The following LRRC71 variants were observed in gnomAD, a reference collection of about 807,000 sequenced individuals.
LRRC71 encodes leucine rich repeat containing 71, also known as leucine-rich repeat-containing protein 71.
A neutral mutation model predicts 66.6 loss-of-function variants in LRRC71; 54 were observed. The observed-to-expected ratio is 0.81, with a 90% CI of 0.65 to 1.02. The LOEUF (loss-of-function observed/expected upper bound fraction) is 1.02, where lower values mean the gene tolerates loss of function less well. LRRC71 is among the 50% of genes least tolerant of loss of function. The probability of loss-of-function intolerance (pLI) is 0.00; values close to 1 mark genes in which losing one functional copy is unlikely to be tolerated. For missense variants in LRRC71, 724 were observed against 718.0 expected, an observed-to-expected ratio of 1.01 and a Z score of -0.10; for synonymous variants, 323 against 303.9, an observed-to-expected ratio of 1.06 and a Z score of -0.65.
In LRRC71 at chr1:156,927,928, T is replaced by G. The variant is rs1278371052; in HGVS notation, c.920T>G (p.Phe307Cys). The G allele has an allele frequency of 6.2e-7, 1 of 1,612,008 alleles. No individual in the cohort carries two copies. Among genetic ancestry groups the G allele is most frequent in the Admixed American group, 1.7e-5 (1 of 59,808 alleles). The part of the protein sequence containing the change: ...ALKLAEVLRA[F>C]ELTHTEVVER... Reference sequence around the variant, plus strand: ...CGCCTCCTTCAGGTCCTGCGCGCCTTCGAGCTGACACACACCGAAGTGGTG... The same window carrying G: ...CGCCTCCTTCAGGTCCTGCGCGCCTGCGAGCTGACACACACCGAAGTGGTG... Residue 307 changes from phenylalanine to cysteine, a missense_variant, in exon 9 of 15, where the codon TTC becomes TGC. By Grantham distance (205) the Phe-to-Cys change is radical (BLOSUM62 -2). Transcript: ENST00000337428.
chr1:156,921,756 C>CAA (rs1191227256), intron 1 of LRRC71: 2 of 484,150 alleles, frequency 4.1e-6, no homozygotes, highest in Non-Finnish European at 5.3e-6. Context: ...CACACACACA[C>CAA]ACACACAGAC....
chr1:156,932,451 A>G lies in LRRC71; in HGVS notation c.1469A>G (p.Glu490Gly). 1 of 1,613,662 alleles carries G rather than the reference A, an allele frequency of 6.2e-7. No homozygotes were observed. The highest frequency in any genetic ancestry group is 8.5e-7 in the Non-Finnish European group (1 of 1,179,850). Residue 490 changes from glutamate (E) to glycine (G), a missense_variant, in exon 14 of 15, where the codon GAG becomes GGG. Transcript: ENST00000337428. ...AACCGCATCACAGAGGTGGGGCTGG[A>G]GGGCTTCCTCGCCACGGTGCAGTAT... is the stretch of plus-strand genomic sequence containing the variant. Reference protein sequence around the residue: ...IRNRITEVGLEGFLATVQYQM... With the variant: ...IRNRITEVGLGGFLATVQYQM...
the LRRC71 span, chr1:156,940,253 T>C: frequency 6.2e-7 from 1 of 1,609,496 alleles, no homozygotes; most frequent in Non-Finnish European, 8.5e-7. Flanking sequence ...ACAGAGGGCC[T>C]GGGAAGGCCA....
chr1:156,920,657 C>T lies in LRRC71; in HGVS notation c.-147C>T. 1.9e-6 allele frequency: 2 copies of T among 1,042,744 alleles called. No homozygotes were observed. The highest frequency in any genetic ancestry group is 3.3e-5 in the African/African-American group (2 of 60,114). The allele number at this position is 1,042,744 out of a possible 1,614,324, so 64.6% of individuals were successfully genotyped here. On this transcript the variant is annotated 5_prime_UTR_variant, in exon 1 of 15. Transcript: ENST00000337428. The surrounding 1 kb of genome is among the most constrained non-coding windows in gnomAD (Gnocchi z 4.9). ...GTTGTCTTGGAGAGGGACGCGTAGG[C>T]TACGCCACCGCGGACGGGTCGGATC...
downstream of LRRC71, chr1:156,935,116 CCT>C (rs1206310604): frequency 5.2e-5 from 8 of 152,458 alleles, no homozygotes; most frequent in South Asian, 2.1e-4. Context: ...CATTCAGACC[CCT>C]GTCCCCACCT....
At chr1:156,932,323 A>T in intron 13 of LRRC71, 101 bp from the exon 14 acceptor site, 1 of 936,334 alleles carries the variant, frequency 1.1e-6, no homozygotes, top group Non-Finnish European at 1.7e-6. Flanking sequence ...GTGAGTCTGG[A>T]GTGGGGAGCT....
At chr1:156,939,918 G>A in the LRRC71 span, 1 of 1,599,764 alleles carries the variant, frequency 6.3e-7, no homozygotes, top group Admixed American at 1.7e-5. Flanking sequence ...CCACTGGAGG[G>A]GAAACAGGGT....
At chr1:156,928,114 C>A in intron 9 of LRRC71, 110 bp downstream of exon 9, 1 of 1,051,572 alleles carries the variant, frequency 9.5e-7, no homozygotes, top group Non-Finnish European at 1.4e-6. Context: ...AATCTCCACC[C>A]TCTGTCCTGA....
chr1:156,940,186 G>A, the LRRC71 span: 1 of 1,549,244 alleles, frequency 6.5e-7, no homozygotes, highest in Non-Finnish European at 8.7e-7. Flanking sequence ...GGGGCTGACG[G>A]CAGGGCCTTG....
At chr1:156,937,912 C>T (rs1343529679), downstream of LRRC71, among the ~76,000 whole-genome samples, 2 of 152,226 alleles carry the variant, frequency 1.3e-5, no homozygotes, top group Non-Finnish European at 2.9e-5. Flanking sequence ...CCCTGCCCCT[C>T]TTCCATCCAT....
chr1:156,938,474 T>A, the LRRC71 span: 5 of 1,613,700 alleles, frequency 3.1e-6, no homozygotes, highest in Non-Finnish European at 4.2e-6. Context: ...CTGGCCACTC[T>A]CTGGTAGTGC....
rs373727881 is a variant in LRRC71 at position 156,927,916 on chromosome 1, T to A, written c.908T>A (p.Val303Asp). The part of the protein sequence containing the change: ...QDKGALKLAE[V>D]LRAFELTHTE... ...CCGCTGAGCGCCCGCCTCCTTCAGG[T>A]CCTGCGCGCCTTCGAGCTGACACAC... The change falls in exon 9 of 15, where the codon GTC (valine) becomes GAC (aspartate). Residue 303 changes from valine (V) to aspartate (D), a missense_variant and splice_region_variant. By Grantham distance (152) the Val-to-Asp change is radical. Coordinates refer to ENST00000337428, the MANE Select transcript of LRRC71 (RefSeq NM_144702.3). The A allele has an allele frequency of 6.2e-7, 1 of 1,611,614 alleles. No individual in the cohort carries two copies. Among genetic ancestry groups the A allele is most frequent in the South Asian group, 1.1e-5 (1 of 90,622 alleles).
downstream of LRRC71, chr1:156,936,036 G>A (rs1180399230): frequency 6.2e-7 from 1 of 1,613,908 alleles, no homozygotes; most frequent in African/African-American, 1.3e-5. Flanking sequence ...CTGCTGTGCT[G>A]TCTTCCAGGG....
downstream of LRRC71, chr1:156,935,318 G>C (rs1302842740): frequency 6.6e-6 from 1 of 152,156 alleles, no homozygotes; most frequent in Non-Finnish European, 1.5e-5. Context: ...AGGTGGGATG[G>C]GGAGCCAGAA....
chr1:156,920,928 T>TGCCTCCC lies in LRRC71; in HGVS notation c.127_133dup (p.Val45AlafsTer12). On this transcript the variant is annotated frameshift_variant, in exon 1 of 15. Coordinates refer to ENST00000337428, the MANE Select transcript of LRRC71 (RefSeq NM_144702.3). LOFTEE classifies it high-confidence loss of function. The surrounding 1 kb of genome is among the most constrained non-coding windows in gnomAD (Gnocchi z 4.9). Reference sequence around the variant, plus strand: ...GCCAAAGAGAAGCCAGCGACCGTTCTGCCTCCCGTGGGGGAGGAGGAGCCC... The same window carrying TGCCTCCC: ...GCCAAAGAGAAGCCAGCGACCGTTCTGCCTCCCGCCTCCCGTGGGGGAGGAGGAGCCC... 1 of 1,539,510 alleles carries TGCCTCCC rather than the reference T, an allele frequency of 6.5e-7. No individual in the cohort carries two copies. Among genetic ancestry groups the TGCCTCCC allele is most frequent in the Non-Finnish European group, 8.8e-7 (1 of 1,141,256 alleles).
At position 156,932,456 on chromosome 1, in the gene LRRC71, T is replaced by C. The variant is rs1290478007; in HGVS notation, c.1474T>C (p.Phe492Leu). Reference sequence around the variant, plus strand: ...CATCACAGAGGTGGGGCTGGAGGGCTTCCTCGCCACGGTGCAGTATCAGAT... The same window carrying C: ...CATCACAGAGGTGGGGCTGGAGGGCCTCCTCGCCACGGTGCAGTATCAGAT... ...NRITEVGLEGFLATVQYQMQF... is the reference protein window; with the variant it reads ...NRITEVGLEGLLATVQYQMQF... Residue 492 changes from phenylalanine (F) to leucine (L), a missense_variant, in exon 14 of 15, where the codon TTC (phenylalanine) becomes CTC (leucine). Coordinates refer to ENST00000337428, the MANE Select transcript of LRRC71 (RefSeq NM_144702.3). 2 of 1,613,764 alleles carry C rather than the reference T, an allele frequency of 1.2e-6. No individual in the cohort carries two copies. Among genetic ancestry groups the C allele is most frequent in the Admixed American group, 1.7e-5 (1 of 60,012 alleles).
chr1:156,936,810 A>G (rs779505757), downstream of LRRC71: 2 of 1,611,106 alleles, frequency 1.2e-6, no homozygotes, highest in South Asian at 1.1e-5. Flanking sequence ...ACCTGGCTTC[A>G]CTCACCATCC....
chr1:156,933,206 G>A, downstream of LRRC71: 2 of 472,298 alleles, frequency 4.2e-6, no homozygotes, highest in Non-Finnish European at 7.5e-6. Flanking sequence ...TTCCGCTGGG[G>A]ATGATCTCAG....
intron 14 of LRRC71, 46 bp downstream of exon 14, chr1:156,932,591 T>C: frequency 6.2e-7 from 1 of 1,613,938 alleles, no homozygotes; most frequent in Non-Finnish European, 8.5e-7. Flanking sequence ...GTTGCCCCTA[T>C]CAGCTGTCAT....
Sources: allele counts gnomAD v4.1 joint callset (sites outside exome capture counted in the v4.1 genomes callset), GRCh38; gene constraint gnomAD v4.1.1; non-coding constraint Gnocchi (gnomAD v3.1); transcripts MANE v1.5; gene names NCBI Gene and HGNC (gene_info 2026-07-23, HGNC 2026-07-21).